Variants in ACOX3 observed in about 807,000 individuals in gnomAD.
ACOX3 encodes the protein peroxisomal acyl-coenzyme A oxidase 3.
ACOX3 carries 73 observed loss-of-function variants against 81.5 expected under a neutral mutation model. The ratio of observed to expected loss-of-function variants is 0.90; its 90% CI spans 0.74 to 1.09. The LOEUF (loss-of-function observed/expected upper bound fraction) is 1.09. Ranked by LOEUF, ACOX3 falls within the 50% of genes least tolerant of loss-of-function variation. The probability of loss-of-function intolerance (pLI) is 0.00; values close to 1 mark genes in which losing one functional copy is unlikely to be tolerated. For synonymous variants in ACOX3, 387 were observed against 375.1 expected (o/e 1.03, Z -0.37); for missense variants, 947 against 928.0 (o/e 1.02, Z -0.27).
At chr4:8,393,187 G>A (rs1210220988) in intron 10 of ACOX3, 1 of 151,272 alleles carries the variant, frequency 6.6e-6, no homozygotes, top group African/African-American at 2.4e-5. Context: ...ATCTAATGAT[G>A]AAAACTTAAG....
At chr4:8,367,933 A>G (rs1011594916) in intron 17 of ACOX3, among the ~76,000 whole-genome samples, 1 of 149,888 alleles carries the variant, frequency 6.7e-6, no homozygotes. Context: ...TTGAGGCTGC[A>G]GTGGGCCGAG....
Position 8,372,510 on chromosome 4 carries a change from C to A in ACOX3, c.1896+1051G>T, listed in dbSNP as rs1210654024. ...GAAGGCCTCCATGGGGTCAACACTGCCCCAAGGGGGTAAAATTTGGCTCTT... is the reference window on the plus strand; with the variant it reads ...GAAGGCCTCCATGGGGTCAACACTGACCCAAGGGGGTAAAATTTGGCTCTT... On this transcript the variant is annotated intron_variant, in intron 16 of 17. Transcript: ENST00000356406. 2.0e-5 allele frequency among the ~76,000 whole-genome samples: 3 copies of A among 152,210 alleles called. No homozygotes were observed. The East Asian group carries it at 5.8e-4, about 29-fold the overall frequency.
At chr4:8,359,007 C>T in the ACOX3 span, among the ~76,000 whole-genome samples, 6 of 152,178 alleles carry the variant, frequency 3.9e-5, no homozygotes, top group Non-Finnish European at 7.3e-5. This position sits in a 1 kb window ranked among gnomAD's most constrained non-coding sequence, Gnocchi z 6.0. Flanking sequence ...CCTGTAACAT[C>T]TTTCTGGTGA....
chr4:8,366,127 C>G (rs1715418526), downstream of ACOX3, among the ~76,000 whole-genome samples: 1 of 152,204 alleles, frequency 6.6e-6, no homozygotes, highest in South Asian at 2.1e-4. Flanking sequence ...GGCAGCCAAG[C>G]CCATGGCCCT....
At chr4:8,367,730 G>A (rs1356884985) in intron 17 of ACOX3, among the ~76,000 whole-genome samples, 1 of 146,662 alleles carries the variant, frequency 6.8e-6, no homozygotes, top group Non-Finnish European at 1.5e-5. Context: ...TGCACTCTGG[G>A]AGGCTGAGGA....
rs981346151 is a variant in ACOX3, at chr4:8,394,347, G to T, written c.1179+273C>A. On this transcript the variant is annotated intron_variant, in intron 10 of 17. Coordinates refer to ENST00000356406, the MANE Select transcript of ACOX3 (RefSeq NM_003501.3). The surrounding 1 kb of genome is among the most constrained non-coding windows in gnomAD (Gnocchi z 5.9). Reference sequence around the variant, plus strand: ...CGGGTAACGTGGATTTTGCAAAACCGTCATGTTCTCAAAAGGAGACCAACA... The same window carrying T: ...CGGGTAACGTGGATTTTGCAAAACCTTCATGTTCTCAAAAGGAGACCAACA... Among the ~76,000 whole-genome samples, 1 of 152,158 alleles carries T rather than the reference G, an allele frequency of 6.6e-6. No homozygotes were observed. The highest frequency in any genetic ancestry group is 2.1e-4 in the South Asian group (1 of 4,834).
chr4:8,409,904 ACACTGTGGGCGGAGCTGTCTGTG>A (rs1248019523), intron 6 of ACOX3, among the ~76,000 whole-genome samples: 1 of 131,978 alleles, frequency 7.6e-6, no homozygotes, highest in Non-Finnish European at 1.6e-5. Context: ...CTGTAGGAAT[ACACTGTGGGCGGAGCTGTCTGTG>A]CACTGTGGGC....
rs111987373 is a variant in ACOX3 at position 8,402,835 on chromosome 4, G to A, written c.776+3120C>T. On this transcript the variant is annotated intron_variant, in intron 7 of 17. Transcript: ENST00000356406. ...AAACCCTCACTCCAATCCCAGAAGC[G>A]CCCAGACCTCAGCACACACCCCGCG... 3.3e-5 allele frequency among the ~76,000 whole-genome samples: 5 copies of A among 152,226 alleles called. 1 individual carries two copies. The highest frequency in any genetic ancestry group is 1.2e-4 in the African/African-American group (5 of 41,542).
chr4:8,367,705 C>T (rs920081951), intron 17 of ACOX3, among the ~76,000 whole-genome samples: 6 of 140,600 alleles, frequency 4.3e-5, no homozygotes, highest in African/African-American at 7.8e-5. Context: ...TGAGGTGGCT[C>T]GTTCCTGTAA....
At chr4:8,401,771 G>A (rs1012893759) in intron 7 of ACOX3, among the ~76,000 whole-genome samples, 4 of 152,282 alleles carry the variant, frequency 2.6e-5, no homozygotes, top group Admixed American at 6.5e-5. Flanking sequence ...TTGCCATGAG[G>A]TGGTCCTGCC....
chr4:8,413,518 C>T (rs1485823471), intron 5 of ACOX3, among the ~76,000 whole-genome samples: 12 of 144,766 alleles, frequency 8.3e-5, no homozygotes, highest in South Asian at 7.0e-4. Flanking sequence ...CCTCCATGCA[C>T]CCCTCCATGC....
chr4:8,395,375 G>A (rs1719579155), intron 9 of ACOX3, among the ~76,000 whole-genome samples: 1 of 146,006 alleles, frequency 6.8e-6, no homozygotes, highest in African/African-American at 2.5e-5. Context: ...TGGACAGGTG[G>A]GGGGATGCGT....
intron 14 of ACOX3, among the ~76,000 whole-genome samples, chr4:8,375,533 T>G (rs996147948): frequency 6.6e-6 from 1 of 152,180 alleles, no homozygotes; most frequent in Non-Finnish European, 1.5e-5. Context: ...AGGACCTGGC[T>G]TCTTCCACAC....
intron 8 of ACOX3, 33 bp from the exon 9 acceptor site, chr4:8,397,152 C>T: frequency 6.6e-7 from 1 of 1,508,836 alleles, no homozygotes; most frequent in Middle Eastern, 2.2e-4. Flanking sequence ...AAGCTCAAGC[C>T]CGGCTGCGCG....
chr4:8,372,829 A>C (rs1433207465), intron 16 of ACOX3, among the ~76,000 whole-genome samples: 1 of 152,230 alleles, frequency 6.6e-6, no homozygotes, highest in Non-Finnish European at 1.5e-5. Flanking sequence ...GCAAAAGTGG[A>C]ATGACGTCTC....
intron 1 of ACOX3, among the ~76,000 whole-genome samples, chr4:8,422,448 C>A (rs984005039): frequency 6.6e-6 from 1 of 152,272 alleles, no homozygotes; most frequent in African/African-American, 2.4e-5. Flanking sequence ...AGGCCCAGAG[C>A]AAAACATAGA....
chr4:8,388,222 C>T (rs1419275780), intron 13 of ACOX3, among the ~76,000 whole-genome samples: 1 of 152,246 alleles, frequency 6.6e-6, no homozygotes, highest in Admixed American at 6.5e-5. Context: ...ACCAGCCACG[C>T]TCCACCTCAC....
chr4:8,393,550 ATTT>A (rs1479313933), intron 10 of ACOX3, among the ~76,000 whole-genome samples: 2 of 149,450 alleles, frequency 1.3e-5, no homozygotes, highest in East Asian at 3.9e-4. Flanking sequence ...TAAAAGAAGA[ATTT>A]TTAATTTTAA....
the ACOX3 span, among the ~76,000 whole-genome samples, chr4:8,359,847 T>C: frequency 6.6e-6 from 1 of 152,244 alleles, no homozygotes; most frequent in African/African-American, 2.4e-5. This position sits in a 1 kb window ranked among gnomAD's most constrained non-coding sequence, Gnocchi z 6.0. Flanking sequence ...GTTTATCTCC[T>C]GTAAAGTTTT....
Sources: gnomAD v4.1 joint callset for allele counts (sites outside exome capture counted in the v4.1 genomes callset) on GRCh38, gnomAD v4.1.1 for gene constraint, Gnocchi (gnomAD v3.1) non-coding constraint, MANE v1.5 for transcripts, NCBI Gene and HGNC (gene_info 2026-07-23, HGNC 2026-07-21) for gene names.